Variants in GPD1L observed in about 807,000 individuals in gnomAD.
GPD1L encodes the protein glycerol-3-phosphate dehydrogenase 1 like, also known as glycerol-3-phosphate dehydrogenase 1-like protein.
Under a neutral mutation model 32.9 loss-of-function variants are expected in GPD1L, and 17 were observed. That is an observed-to-expected ratio of 0.52 (90% CI 0.35 to 0.78). The LOEUF (loss-of-function observed/expected upper bound fraction) is 0.78, where lower values mean the gene tolerates loss of function less well. Ranked by LOEUF, GPD1L falls within the 30% of genes least tolerant of loss-of-function variation. The pLI is 0.01. For synonymous variants in GPD1L, 187 were observed against 165.9 expected (o/e 1.13, Z -0.98); for missense variants, 361 against 447.8 (o/e 0.81, Z 1.75).
chr3:32,148,870 T>C (rs138787242), intron 5 of GPD1L, among the ~76,000 whole-genome samples: 40 of 152,308 alleles, frequency 2.6e-4, no homozygotes, highest in African/African-American at 8.9e-4. Flanking sequence ...TCATATTCCT[T>C]GTTTTCACAC....
intron 2 of GPD1L, among the ~76,000 whole-genome samples, chr3:32,130,392 T>C (rs1700569286): frequency 6.6e-6 from 1 of 152,088 alleles, no homozygotes. Context: ...TTAATCATTG[T>C]TTTTCTTTCC....
rs187371398 is a variant in GPD1L, at chr3:32,115,841, T to C, written c.47+9083T>C. The stretch of plus-strand genomic sequence containing the variant: ...TCTCGCTCTGTTGCACAGGTTGGAG[T>C]GCAGTGGCACGATCTTGGCTCACTG... On this transcript the variant is annotated intron_variant, in intron 1 of 7. Transcript: ENST00000282541. Among the ~76,000 whole-genome samples, 588 of 136,386 alleles carry C rather than the reference T, an allele frequency of 4.3e-3. 70 individuals are homozygous for C. Among genetic ancestry groups the C allele is most frequent in the African/African-American group, 0.015 (552 of 36,376 alleles). 89.5% of individuals were successfully genotyped at this position (136,386 alleles called of 152,430 possible).
chr3:32,150,956 G>A (rs1053233412), intron 5 of GPD1L: 2 of 211,396 alleles, frequency 9.5e-6, no homozygotes, highest in South Asian at 8.4e-5. Flanking sequence ...TTAGTCAGAC[G>A]TGGTGGCTTG....
chr3:32,139,143 C>G (rs11710089), intron 3 of GPD1L, among the ~76,000 whole-genome samples: 22,097 of 152,162 alleles, frequency 0.15, 2,235 homozygotes, highest in East Asian at 0.48. Context: ...ACAGGAAGTT[C>G]ATGCATTTAA....
chr3:32,142,311 G>T (rs1458065783), intron 4 of GPD1L, among the ~76,000 whole-genome samples: 2 of 152,012 alleles, frequency 1.3e-5, no homozygotes, highest in Non-Finnish European at 2.9e-5. Flanking sequence ...TAGAGACAGG[G>T]TTTCACCATG....
intron 5 of GPD1L, among the ~76,000 whole-genome samples, chr3:32,157,715 T>C (rs1231577736): frequency 6.6e-6 from 1 of 152,228 alleles, no homozygotes; most frequent in Non-Finnish European, 1.5e-5. Flanking sequence ...GAAGAGGCCT[T>C]GTGGACCATA....
rs1305181477 is a variant in GPD1L at position 32,166,382 on chromosome 3, C to G, written c.*472C>G. ...GATCAACATATTTAACTTTTAAACA[C>G]TATCTCAAAGCCAGCATAATTAACT... On this transcript the variant is annotated 3_prime_UTR_variant, in exon 8 of 8. Coordinates refer to ENST00000282541, the MANE Select transcript of GPD1L (RefSeq NM_015141.4). 2 of 188,110 alleles carry G rather than the reference C, an allele frequency of 1.1e-5. No homozygotes were observed. The highest frequency in any genetic ancestry group is 4.8e-5 in the African/African-American group (2 of 41,796). The allele number at this position is 188,110 out of a possible 1,614,324, so 11.7% of individuals were successfully genotyped here.
At position 32,115,920 on chromosome 3, in the gene GPD1L, T is replaced by TG. The variant is rs558564550; in HGVS notation, c.47+9165dup. Among the ~76,000 whole-genome samples, 718 of 151,856 alleles carry TG rather than the reference T, an allele frequency of 4.7e-3. 9 individuals are homozygous for TG. The highest frequency in any genetic ancestry group is 0.017 in the African/African-American group (691 of 41,354). On this transcript the variant is annotated intron_variant, in intron 1 of 7. Transcript: ENST00000282541. Reference sequence around the variant, plus strand: ...TCTCCTGCCTCAGCCTCCGAGTAGCTGGGACTGCAGGCATGTGCCACCACG... The same window carrying TG: ...TCTCCTGCCTCAGCCTCCGAGTAGCTGGGGACTGCAGGCATGTGCCACCACG...
chr3:32,115,758 CTTTTTTTTTTTTTTTTTTTTTTTTTTT>C lies in GPD1L; in HGVS notation c.47+9022_47+9048del, dbSNP rs539068850. ...CTAAACCCTTTTCGTGTACGTTGAA[CTTTTTTTTTTTTTTTTTTTTTTTTTTT>C]TTTTTTTTTTTTTTTTTTTTTGAGA... is the stretch of plus-strand genomic sequence containing the variant. On this transcript the variant is annotated intron_variant, in intron 1 of 7. Coordinates refer to ENST00000282541, the MANE Select transcript of GPD1L (RefSeq NM_015141.4). Among the ~76,000 whole-genome samples, 46 of 45,086 alleles carry C rather than the reference CTTTTTTTTTTTTTTTTTTTTTTTTTTT, an allele frequency of 1.0e-3. 1 individual carries two copies. The highest frequency in any genetic ancestry group is 6.1e-3 in the East Asian group (11 of 1,808). 29.6% of individuals were successfully genotyped at this position (45,086 alleles called of 152,430 possible).
intron 1 of GPD1L, among the ~76,000 whole-genome samples, chr3:32,127,548 G>A (rs1024516448): frequency 4.6e-5 from 7 of 152,248 alleles, no homozygotes; most frequent in Non-Finnish European, 1.0e-4. Context: ...AGAAAAGGGA[G>A]CTTGGGGGCC....
intron 1 of GPD1L, among the ~76,000 whole-genome samples, chr3:32,118,136 G>A (rs1559569377): frequency 6.6e-6 from 1 of 152,092 alleles, no homozygotes; most frequent in Non-Finnish European, 1.5e-5. Flanking sequence ...ACAGGCCTTG[G>A]GACTTGCTGA....
chr3:32,107,616 G>A (rs1700182909), intron 1 of GPD1L, among the ~76,000 whole-genome samples: 1 of 152,162 alleles, frequency 6.6e-6, no homozygotes, highest in Non-Finnish European at 1.5e-5. Context: ...ATAGTTAAGA[G>A]TGATGATGTC....
chr3:32,153,143 G>A (rs1700943320), intron 5 of GPD1L, among the ~76,000 whole-genome samples: 1 of 152,162 alleles, frequency 6.6e-6, no homozygotes. Flanking sequence ...CTAATTGCTG[G>A]GCATGTAGGT....
chr3:32,143,112 G>C (rs2125488062), intron 4 of GPD1L, among the ~76,000 whole-genome samples: 1 of 152,180 alleles, frequency 6.6e-6, no homozygotes, highest in African/African-American at 2.4e-5. Context: ...TTGAGGCTAG[G>C]AGATTGAGCG....
intron 4 of GPD1L, among the ~76,000 whole-genome samples, chr3:32,145,241 C>T (rs966291174): frequency 1.3e-5 from 2 of 152,028 alleles, no homozygotes; most frequent in Non-Finnish European, 2.9e-5. Context: ...ATCGCTTGAG[C>T]TTGGGAGGTG....
At chr3:32,151,181 C>A in intron 5 of GPD1L, 1 of 584,344 alleles carries the variant, frequency 1.7e-6, no homozygotes, top group South Asian at 1.5e-5. Context: ...GCTGGTACTT[C>A]AGTCTAATCC....
chr3:32,129,320 A>G (rs955724073), intron 2 of GPD1L, among the ~76,000 whole-genome samples: 1 of 152,228 alleles, frequency 6.6e-6, no homozygotes. Context: ...AAAGAGGAAT[A>G]AGACAGTGTT....
At chr3:32,112,289 A>T (rs1323453369) in intron 1 of GPD1L, among the ~76,000 whole-genome samples, 1 of 118,884 alleles carries the variant, frequency 8.4e-6, no homozygotes, top group Non-Finnish European at 1.6e-5. Flanking sequence ...CCAGCCTGAG[A>T]AACATAGCAA....
At chr3:32,138,013 G>A (rs1700690869) in intron 2 of GPD1L, among the ~76,000 whole-genome samples, 1 of 152,214 alleles carries the variant, frequency 6.6e-6, no homozygotes, top group Admixed American at 6.5e-5. Context: ...TTAGAGACAT[G>A]GCCTTAGAAA....
Sources: gnomAD v4.1 joint callset for allele counts (sites outside exome capture counted in the v4.1 genomes callset) on GRCh38, gnomAD v4.1.1 for gene constraint, MANE v1.5 for transcripts, NCBI Gene and HGNC (gene_info 2026-07-23, HGNC 2026-07-21) for gene names.